RGL3: variants seen among roughly 807,000 people sequenced by gnomAD.
RGL3 encodes ral guanine nucleotide dissociation stimulator like 3.
A neutral mutation model predicts 90.6 loss-of-function variants in RGL3; 85 were observed. The observed-to-expected ratio is 0.94, with a 90% confidence interval of 0.79 to 1.12. RGL3 has a LOEUF of 1.12. Ranked by LOEUF, RGL3 falls within the 50% of genes most tolerant of loss-of-function variation. The pLI, the probability that RGL3 is intolerant of heterozygous loss-of-function variation, is 0.00. For synonymous variants in RGL3, 408 were observed against 385.5 expected, an observed-to-expected ratio of 1.06 and a Z score of -0.68; for missense variants, 1,034 against 939.2, an observed-to-expected ratio of 1.10 and a Z score of -1.32.
At chr19:11,398,904 C>T (rs1302862115) in intron 16 of RGL3, among the ~76,000 whole-genome samples, 1 of 149,440 alleles carries the variant, frequency 6.7e-6, no homozygotes, top group Non-Finnish European at 1.5e-5. Flanking sequence ...CTCTTGACCT[C>T]GTGATCCGCC....
At chr19:11,397,398 C>T (rs775759146) in intron 17 of RGL3, 40 bp from the exon 18 acceptor site, 3 of 1,588,318 alleles carry the variant, frequency 1.9e-6, no homozygotes, top group Admixed American at 3.4e-5. Flanking sequence ...GGGCCCCGGC[C>T]CCAAGGGCAG....
intron 5 of RGL3, among the ~76,000 whole-genome samples, chr19:11,409,586 A>G (rs933704218): frequency 6.6e-6 from 1 of 152,230 alleles, no homozygotes; most frequent in Non-Finnish European, 1.5e-5. Flanking sequence ...GTTCATAAAC[A>G]CAAATTTTTT....
At chr19:11,413,484 G>A (rs370115027) in intron 5 of RGL3, among the ~76,000 whole-genome samples, 3 of 143,108 alleles carry the variant, frequency 2.1e-5, no homozygotes, top group Admixed American at 1.4e-4. Context: ...GCAGTGTGCC[G>A]AGATGGCGCC....
Position 11,394,335 on chromosome 19 carries a change from G to T in RGL3, c.*67C>A. 1 of 1,265,210 alleles carries T rather than the reference G, an allele frequency of 7.9e-7. No homozygotes were observed. The highest frequency in any genetic ancestry group is 1.2e-6 in the Non-Finnish European group (1 of 863,160). 78.4% of individuals were successfully genotyped at this position (1,265,210 alleles called of 1,614,324 possible). Reference sequence around the variant, plus strand: ...CAGTGGCCTCTACTGGGGGATGGCAGCTTTCCAGGAGAAGAGTCGCAAGCT... The same window carrying T: ...CAGTGGCCTCTACTGGGGGATGGCATCTTTCCAGGAGAAGAGTCGCAAGCT... On this transcript the variant is annotated 3_prime_UTR_variant, in exon 19 of 19. Coordinates refer to ENST00000380456, the MANE Select transcript of RGL3 (RefSeq NM_001035223.4).
At chr19:11,410,913 AGGAACAAACGACCGGTAGG>A (rs1968862999) in intron 5 of RGL3, among the ~76,000 whole-genome samples, 1 of 152,006 alleles carries the variant, frequency 6.6e-6, no homozygotes, top group Admixed American at 6.6e-5. Flanking sequence ...AAAGAGACTT[AGGAACAAACGACCGGTAGG>A]GCGTGGTGAC....
chr19:11,410,623 A>T (rs1410558389), intron 5 of RGL3, among the ~76,000 whole-genome samples: 1 of 151,980 alleles, frequency 6.6e-6, no homozygotes, highest in Admixed American at 6.6e-5. Context: ...TCAAGGCTGC[A>T]GTGAGCTGTG....
At chr19:11,397,965 C>T (rs575733229) in intron 16 of RGL3, among the ~76,000 whole-genome samples, 31 of 152,090 alleles carry the variant, frequency 2.0e-4, no homozygotes, top group African/African-American at 6.5e-4. Flanking sequence ...GCCAAGATCA[C>T]GCTACTGCAC....
chr19:11,413,269 C>G (rs1388234846), intron 5 of RGL3, among the ~76,000 whole-genome samples: 1 of 148,850 alleles, frequency 6.7e-6, no homozygotes, highest in East Asian at 2.0e-4. Flanking sequence ...GGCATGGTAG[C>G]TCACGCCTGT....
intron 5 of RGL3, among the ~76,000 whole-genome samples, chr19:11,407,515 A>G (rs904096467): frequency 6.6e-6 from 1 of 151,934 alleles, no homozygotes. Context: ...AAGAAAATAG[A>G]GCTTTATGAT....
chr19:11,404,704 T>C (rs1968737531), intron 9 of RGL3, among the ~76,000 whole-genome samples: 1 of 151,906 alleles, frequency 6.6e-6, no homozygotes, highest in Non-Finnish European at 1.5e-5. Flanking sequence ...CCTGGAGGGG[T>C]GGAGAATGTT....
intron 18 of RGL3, 74 bp from the exon 19 acceptor site, chr19:11,394,594 C>T: frequency 2.6e-6 from 3 of 1,144,184 alleles, no homozygotes; most frequent in African/African-American, 1.5e-5. Flanking sequence ...CCGGGAGCCT[C>T]CTGCCACTCA....
intron 9 of RGL3, among the ~76,000 whole-genome samples, chr19:11,404,314 G>A (rs918493056): frequency 1.3e-5 from 2 of 152,198 alleles, no homozygotes; most frequent in Non-Finnish European, 2.9e-5. Flanking sequence ...GATCACCTCA[G>A]GTCAGGGATT....
chr19:11,397,539 G>A lies in RGL3; in HGVS notation c.1805C>T (p.Pro602Leu). Residue 602 changes from proline to leucine, a missense_variant, in exon 17 of 19, where the codon CCT (proline) becomes CTT (leucine). Pro to Leu is a moderately conservative substitution (Grantham distance 98). Coordinates refer to ENST00000380456, the MANE Select transcript of RGL3 (RefSeq NM_001035223.4). ...CTGCTGCGCCGGGAGGGGGATTCGAGGGCTGCCCAGAGGCAAAGCGAAGGG... is the reference window on the plus strand; with the variant it reads ...CTGCTGCGCCGGGAGGGGGATTCGAAGGCTGCCCAGAGGCAAAGCGAAGGG... Reference protein sequence around the residue: ...PRPFALPLGSPRIPLPAQQSS... With the variant: ...PRPFALPLGSLRIPLPAQQSS... 1.2e-6 allele frequency: 2 copies of A among 1,611,090 alleles called. No homozygotes were observed. The highest frequency in any genetic ancestry group is 1.7e-6 in the Non-Finnish European group (2 of 1,178,662).
rs771398199 is a variant in RGL3, at chr19:11,405,494, CTTTTTTTTTTTTTTTTTTTTTTTTTTTTT to C, written c.997-97_997-69del. ...ACCTTTCATCCTGAAACTTCTTCAT[CTTTTTTTTTTTTTTTTTTTTTTTTTTTTT>C]TTTTTTTTTTTTTTTTGAGAGATAG... is the stretch of plus-strand genomic sequence containing the variant. On this transcript the variant is annotated intron_variant, in intron 7 of 18. Coordinates refer to ENST00000380456, the MANE Select transcript of RGL3 (RefSeq NM_001035223.4). The C allele has an allele frequency of 2.9e-3, 480 of 163,950 alleles. 5 individuals carry two copies. Among genetic ancestry groups the C allele is most frequent in the Non-Finnish European group, 4.8e-3 (394 of 82,246 alleles). 10.2% of individuals were successfully genotyped at this position (163,950 alleles called of 1,614,324 possible).
chr19:11,413,545 AAAAAAAAAAAAG>A (rs1319879501), intron 5 of RGL3, among the ~76,000 whole-genome samples: 1 of 147,668 alleles, frequency 6.8e-6, no homozygotes, highest in African/African-American at 2.5e-5. Flanking sequence ...AAAAAAAAAA[AAAAAAAAAAAAG>A]GGCAGGGTCA....
chr19:11,403,120 C>T (rs1477785881), intron 9 of RGL3, among the ~76,000 whole-genome samples: 3 of 151,778 alleles, frequency 2.0e-5, no homozygotes, highest in African/African-American at 4.8e-5. Flanking sequence ...CTGCAGGCTC[C>T]GCCCCCCGGG....
At chr19:11,414,329 A>G (rs1479358951) in intron 5 of RGL3, among the ~76,000 whole-genome samples, 1 of 89,878 alleles carries the variant, frequency 1.1e-5, no homozygotes, top group Admixed American at 1.4e-4. Context: ...ACCTTCATAT[A>G]TATATATATA....
At chr19:11,408,019 G>T (rs917785940) in intron 5 of RGL3, among the ~76,000 whole-genome samples, 1 of 152,122 alleles carries the variant, frequency 6.6e-6, no homozygotes, top group East Asian at 1.9e-4. Flanking sequence ...CCAGGCTGGA[G>T]TACAGTGGTG....
chr19:11,414,166 T>TATATATACAC (rs1555720102), intron 5 of RGL3, among the ~76,000 whole-genome samples: 2 of 112,532 alleles, frequency 1.8e-5, no homozygotes, highest in African/African-American at 7.8e-5. Context: ...TATATATATA[T>TATATATACAC]ATATATATAT....
Sources: allele counts gnomAD v4.1 joint callset (sites outside exome capture counted in the v4.1 genomes callset), GRCh38; gene constraint gnomAD v4.1.1; transcripts MANE v1.5; gene names NCBI Gene and HGNC (gene_info 2026-07-23, HGNC 2026-07-21).